The following IMMP2L variants were observed in gnomAD, a reference collection of about 807,000 sequenced individuals.
IMMP2L encodes mitochondrial inner membrane protease subunit 2.
In IMMP2L, 18 loss-of-function variants were observed where a neutral mutation model predicts 19.3. That is an observed-to-expected ratio of 0.93 (90% CI 0.64 to 1.38). The LOEUF (loss-of-function observed/expected upper bound fraction) is 1.38, where lower values mean the gene tolerates loss of function less well. Among genes scored for constraint, IMMP2L ranks in the 40% most tolerant of loss-of-function variants. The probability of loss-of-function intolerance (pLI) is 0.00; values close to 1 mark genes in which losing one functional copy is unlikely to be tolerated. For missense variants in IMMP2L, 233 were observed against 218.2 expected (o/e 1.07, Z -0.43); for synonymous variants, 76 against 73.0 (o/e 1.04, Z -0.21).
intron 5 of IMMP2L, among the ~76,000 whole-genome samples, chr7:110,865,168 C>T (rs917179198): frequency 6.6e-6 from 1 of 151,944 alleles, no homozygotes; most frequent in Non-Finnish European, 1.5e-5. Flanking sequence ...TCAGGAAGCG[C>T]ATACATTTGC....
intron 3 of IMMP2L, among the ~76,000 whole-genome samples, chr7:111,077,042 C>G (rs1795475689): frequency 6.6e-6 from 1 of 152,188 alleles, no homozygotes; most frequent in African/African-American, 2.4e-5. Flanking sequence ...AAAATCTTAT[C>G]TCAAGATGAA....
chr7:111,477,769 A>C (rs1375280680), intron 3 of IMMP2L, among the ~76,000 whole-genome samples: 1 of 152,038 alleles, frequency 6.6e-6, no homozygotes, highest in Non-Finnish European at 1.5e-5. Flanking sequence ...GTGGTGGTGC[A>C]TGCCTATAAT....
chr7:111,291,276 G>A (rs1275626956), intron 3 of IMMP2L, among the ~76,000 whole-genome samples: 1 of 152,178 alleles, frequency 6.6e-6, no homozygotes, highest in Non-Finnish European at 1.5e-5. Context: ...ACCAGTGGTT[G>A]CAGCAGCAGC....
At chr7:110,827,703 T>C (rs1476744681) in intron 5 of IMMP2L, among the ~76,000 whole-genome samples, 2 of 152,168 alleles carry the variant, frequency 1.3e-5, no homozygotes, top group Non-Finnish European at 2.9e-5. Flanking sequence ...CACATTTTAA[T>C]TGGACTTGAA....
At chr7:111,542,527 C>T (rs565460654) in intron 1 of IMMP2L, among the ~76,000 whole-genome samples, 2 of 152,206 alleles carry the variant, frequency 1.3e-5, no homozygotes, top group Admixed American at 1.3e-4. Context: ...TTATTTGACC[C>T]TGTAAACTAG....
In IMMP2L at chr7:111,344,314, A is replaced by G. The variant is rs142381813; in HGVS notation, c.239+142924T>C. On this transcript the variant is annotated intron_variant, in intron 3 of 5. Transcript: ENST00000405709. The stretch of plus-strand genomic sequence containing the variant: ...TTTTTCCACCTCAGAACCTTTATAC[A>G]TGCTGTTCATTCTGGCTAGCACATT... Among the ~76,000 whole-genome samples the G allele has an allele frequency of 6.9e-3, 1,054 of 152,212 alleles. 14 individuals are homozygous for G. The highest frequency in any genetic ancestry group is 0.023 in the African/African-American group (935 of 41,544).
intron 5 of IMMP2L, among the ~76,000 whole-genome samples, chr7:110,766,720 A>T (rs978235765): frequency 2.6e-5 from 4 of 152,126 alleles, no homozygotes; most frequent in Admixed American, 1.3e-4. Context: ...TCCTTTATGA[A>T]AACTGAGAAT....
At chr7:111,005,687 T>C (rs551114005) in intron 3 of IMMP2L, among the ~76,000 whole-genome samples, 1 of 152,226 alleles carries the variant, frequency 6.6e-6, no homozygotes, top group Non-Finnish European at 1.5e-5. Context: ...TAGTCTCCTA[T>C]AATTGAACAG....
intron 3 of IMMP2L, among the ~76,000 whole-genome samples, chr7:111,229,953 T>C (rs897635095): frequency 6.6e-6 from 1 of 152,038 alleles, no homozygotes; most frequent in Non-Finnish European, 1.5e-5. Context: ...CTCTTAAATG[T>C]AATTCCAAAA....
At chr7:111,501,578 G>A (rs1222816334) in intron 2 of IMMP2L, among the ~76,000 whole-genome samples, 3 of 152,140 alleles carry the variant, frequency 2.0e-5, no homozygotes, top group African/African-American at 7.2e-5. Flanking sequence ...AGAGAGAAAG[G>A]TCGGGTTACC....
At chr7:110,881,972 G>A (rs6466364) in intron 5 of IMMP2L, among the ~76,000 whole-genome samples, 6,088 of 152,132 alleles carry the variant, frequency 0.04, 393 homozygotes, top group African/African-American at 0.14. Context: ...TCTACTTCTC[G>A]AAGAGGCTCT....
At chr7:111,510,153 C>T (rs1353154179) in intron 2 of IMMP2L, among the ~76,000 whole-genome samples, 1 of 152,022 alleles carries the variant, frequency 6.6e-6, no homozygotes, top group South Asian at 2.1e-4. Context: ...AAGGGAACTT[C>T]AGAAAAAGCA....
intron 1 of IMMP2L, among the ~76,000 whole-genome samples, chr7:111,558,271 A>C (rs1791610589): frequency 1.3e-5 from 2 of 152,274 alleles, no homozygotes; most frequent in South Asian, 4.2e-4. Context: ...ACCCCTTCTG[A>C]GTCCTCACTA....
At chr7:110,887,836 A>T (rs1343582060) in intron 4 of IMMP2L, among the ~76,000 whole-genome samples, 1 of 152,062 alleles carries the variant, frequency 6.6e-6, no homozygotes, top group Non-Finnish European at 1.5e-5. Flanking sequence ...GAAGGAATGA[A>T]TAAATATCAC....
intron 5 of IMMP2L, among the ~76,000 whole-genome samples, chr7:110,775,914 C>A (rs1488690588): frequency 6.6e-6 from 1 of 151,616 alleles, no homozygotes; most frequent in Non-Finnish European, 1.5e-5. Context: ...GCAACAAAGT[C>A]AACTTGCTAT....
chr7:111,047,491 CAA>C (rs1479515233), intron 3 of IMMP2L, among the ~76,000 whole-genome samples: 1 of 152,042 alleles, frequency 6.6e-6, no homozygotes, highest in East Asian at 1.9e-4. Flanking sequence ...CCCAGCCCTT[CAA>C]AATTTATTTT....
chr7:110,895,281 A>C (rs1037600329), intron 4 of IMMP2L, among the ~76,000 whole-genome samples: 1 of 152,166 alleles, frequency 6.6e-6, no homozygotes, highest in Non-Finnish European at 1.5e-5. Context: ...CTCCCATGAC[A>C]TGTGGGAATT....
At chr7:111,286,623 C>T (rs1032745625) in intron 3 of IMMP2L, among the ~76,000 whole-genome samples, 10 of 152,054 alleles carry the variant, frequency 6.6e-5, no homozygotes, top group African/African-American at 1.7e-4. Context: ...AGATTGTGGT[C>T]TCCGAGAAAA....
chr7:111,293,340 T>G (rs1403852753), intron 3 of IMMP2L, among the ~76,000 whole-genome samples: 1 of 151,950 alleles, frequency 6.6e-6, no homozygotes, highest in Non-Finnish European at 1.5e-5. Context: ...GCATATAGGT[T>G]TCAATATAAA....
Sources: gnomAD v4.1 joint callset for allele counts (sites outside exome capture counted in the v4.1 genomes callset) on GRCh38, gnomAD v4.1.1 for gene constraint, MANE v1.5 for transcripts, NCBI Gene and HGNC (gene_info 2026-07-23, HGNC 2026-07-21) for gene names.